Variants in NAMPT observed in about 807,000 individuals in gnomAD.
The protein encoded by NAMPT is NAmPRTase.
A neutral mutation model predicts 58.7 loss-of-function variants in NAMPT; 7 were observed. That is an observed-to-expected ratio of 0.12 (90% CI 0.07 to 0.22). The LOEUF (loss-of-function observed/expected upper bound fraction) is 0.22. Among genes scored for constraint, NAMPT ranks in the 10% least tolerant of loss-of-function variants. The pLI is 1.00. For missense variants in NAMPT, 271 were observed against 567.9 expected (o/e 0.48, Z 5.31); for synonymous variants, 145 against 198.1 (o/e 0.73, Z 2.25).
intron 8 of NAMPT, 124 bp downstream of exon 8, chr7:106,261,464 G>A (rs1586015553): frequency 1.2e-6 from 1 of 808,958 alleles, no homozygotes; most frequent in East Asian, 2.6e-5. Context: ...AATGCACAGA[G>A]ATTTATACCA....
intron 8 of NAMPT, among the ~76,000 whole-genome samples, chr7:106,259,871 A>G (rs1391098530): frequency 6.9e-6 from 1 of 144,098 alleles, no homozygotes; most frequent in Non-Finnish European, 1.5e-5. Flanking sequence ...TGATATTTCG[A>G]AACAATCTTT....
Position 106,249,463 on chromosome 7 carries a change from C to T in NAMPT, c.*1620G>A, listed in dbSNP as rs922684568. On this transcript the variant is annotated 3_prime_UTR_variant, in exon 11 of 11. Coordinates refer to ENST00000222553, the MANE Select transcript of NAMPT (RefSeq NM_005746.3). The stretch of plus-strand genomic sequence containing the variant: ...CTTTTCTAAATCAGTCTTCCAGTAT[C>T]GGATTCTTAAGTGAGAAAAAAGAAG... 1.3e-5 allele frequency: 2 copies of T among 152,424 alleles called. No individual in the cohort carries two copies. The highest frequency in any genetic ancestry group is 4.8e-5 in the African/African-American group (2 of 41,416). The allele number at this position is 152,424 out of a possible 1,614,324, so 9.4% of individuals were successfully genotyped here. A position where few individuals can be genotyped will look rare whatever the true frequency, so the allele number is the denominator to read the frequency against.
chr7:106,274,501 G>A (rs138444707), intron 3 of NAMPT, among the ~76,000 whole-genome samples: 2 of 152,070 alleles, frequency 1.3e-5, no homozygotes, highest in East Asian at 3.9e-4. Flanking sequence ...TAATGGCTAT[G>A]AAATAGCCAT....
At chr7:106,267,011 C>T (rs1792426677) in intron 6 of NAMPT, among the ~76,000 whole-genome samples, 1 of 152,182 alleles carries the variant, frequency 6.6e-6, no homozygotes, top group African/African-American at 2.4e-5. Flanking sequence ...AACATTCTCC[C>T]TCCTCTTTCA....
chr7:106,274,864 A>AAAAC, intron 3 of NAMPT, 82 bp downstream of exon 3: 1 of 949,920 alleles, frequency 1.1e-6, no homozygotes, highest in South Asian at 1.5e-5. Flanking sequence ...CAAAAAACAC[A>AAAAC]AAACAAAAAC....
chr7:106,279,749 AG>A (rs1792723582), intron 1 of NAMPT, among the ~76,000 whole-genome samples: 1 of 152,224 alleles, frequency 6.6e-6, no homozygotes, highest in African/African-American at 2.4e-5. Context: ...TAAGGGCTGA[AG>A]AAGGAAGAAA....
Position 106,266,985 on chromosome 7 carries a change from C to T in NAMPT, c.743+1479G>A, listed in dbSNP as rs140958124. Among the ~76,000 whole-genome samples, 3 of 152,334 alleles carry T rather than the reference C, an allele frequency of 2.0e-5. No homozygotes were observed. The East Asian group carries it at 5.8e-4, about 29-fold the overall frequency. On this transcript the variant is annotated intron_variant, in intron 6 of 10. Transcript: ENST00000222553. ...TACGCTCCCTACAAAATCTGTGTTT[C>T]AGCCCTTATTCTCTAAACATTCTCC...
chr7:106,274,621 A>T (rs1163266167), intron 3 of NAMPT, among the ~76,000 whole-genome samples: 1 of 152,120 alleles, frequency 6.6e-6, no homozygotes, highest in Non-Finnish European at 1.5e-5. Flanking sequence ...TTGGGAGGCC[A>T]AGGTGGGCAG....
intron 6 of NAMPT, among the ~76,000 whole-genome samples, chr7:106,264,159 ACTAC>A (rs537418323): frequency 2.1e-3 from 320 of 152,206 alleles, no homozygotes; most frequent in African/African-American, 7.3e-3. Flanking sequence ...CATATAGTCA[ACTAC>A]CTGTTATATT....
intron 9 of NAMPT, 76 bp from the exon 10 acceptor site, chr7:106,253,227 A>G: frequency 1.3e-6 from 2 of 1,487,862 alleles, no homozygotes; most frequent in South Asian, 2.5e-5. Context: ...CTTACAAAAA[A>G]GCACATACAT....
At chr7:106,266,515 T>G (rs531403612) in intron 6 of NAMPT, among the ~76,000 whole-genome samples, 2 of 152,240 alleles carry the variant, frequency 1.3e-5, no homozygotes, top group Non-Finnish European at 2.9e-5. Context: ...GAAAGTTGTA[T>G]GTAAAAGTGT....
At chr7:106,263,264 C>A in intron 7 of NAMPT, 128 bp downstream of exon 7, 2 of 676,236 alleles carry the variant, frequency 3.0e-6, no homozygotes, top group South Asian at 3.8e-5. Flanking sequence ...TCTCTCTGGG[C>A]TGCAACTCTA....
chr7:106,251,448 G>A (rs1475971611), intron 10 of NAMPT, among the ~76,000 whole-genome samples: 1 of 152,026 alleles, frequency 6.6e-6, no homozygotes, highest in Admixed American at 6.6e-5. Flanking sequence ...TCTTAAACCA[G>A]TTTTCTTAAA....
chr7:106,264,871 A>ATG (rs1000899424), intron 6 of NAMPT, among the ~76,000 whole-genome samples: 6 of 151,746 alleles, frequency 4.0e-5, no homozygotes. Context: ...ACTTTATACA[A>ATG]TGTGTGTGTG....
intron 6 of NAMPT, among the ~76,000 whole-genome samples, chr7:106,267,863 AAAAAAAAAAAAAAC>A (rs1562815944): frequency 2.9e-5 from 4 of 138,556 alleles, no homozygotes; most frequent in East Asian, 2.0e-4. Flanking sequence ...AAAAAAAAAA[AAAAAAAAAAAAAAC>A]AACCTGATTT....
Position 106,272,376 on chromosome 7 carries a change from C to G in NAMPT, c.447+154G>C, listed in dbSNP as rs1792553068. ...GAAGAAACCTTAAAGATTATTTAGT[C>G]TGTCATTTTATAGATGAGGAAATTG... On this transcript the variant is annotated intron_variant, in intron 4 of 10. Transcript: ENST00000222553. 3 of 592,748 alleles carry G rather than the reference C, an allele frequency of 5.1e-6. No individual in the cohort carries two copies. In the East Asian group the frequency reaches 9.9e-5, roughly 20 times the overall value. The allele number at this position is 592,748 out of a possible 1,614,324, so 36.7% of individuals were successfully genotyped here. A position where few individuals can be genotyped will look rare whatever the true frequency, so the allele number is the denominator to read the frequency against.
intron 8 of NAMPT, among the ~76,000 whole-genome samples, chr7:106,255,276 T>C (rs909347020): frequency 1.3e-5 from 2 of 152,242 alleles, no homozygotes; most frequent in African/African-American, 2.4e-5. Context: ...TTACCTAGCA[T>C]CTGCCTTAAT....
In NAMPT at chr7:106,276,908, C is replaced by T. The variant is rs565967895; in HGVS notation, c.214+115G>A. The T allele has an allele frequency of 1.6e-5, 13 of 834,984 alleles. No individual in the cohort carries two copies. The South Asian group carries it at 1.7e-4, about 11-fold the overall frequency. 51.7% of individuals were successfully genotyped at this position (834,984 alleles called of 1,614,324 possible). A position where few individuals can be genotyped will look rare whatever the true frequency, so the allele number is the denominator to read the frequency against. On this transcript the variant is annotated intron_variant, in intron 2 of 10. Transcript: ENST00000222553. Reference sequence around the variant, plus strand: ...CATACTTAGAACATCAAACACACACCAAATTATATGATTTAATGCATCCAA... The same window carrying T: ...CATACTTAGAACATCAAACACACACTAAATTATATGATTTAATGCATCCAA...
chr7:106,261,941 G>A (rs1390716740), intron 7 of NAMPT, among the ~76,000 whole-genome samples: 1 of 151,936 alleles, frequency 6.6e-6, no homozygotes, highest in Non-Finnish European at 1.5e-5. Flanking sequence ...ACATCATAAA[G>A]TGGCTCAAAA....
Sources: allele counts gnomAD v4.1 joint callset (sites outside exome capture counted in the v4.1 genomes callset), GRCh38; gene constraint gnomAD v4.1.1; transcripts MANE v1.5; gene names NCBI Gene and HGNC (gene_info 2026-07-23, HGNC 2026-07-21).